CALN1: variants seen among roughly 807,000 people sequenced by gnomAD.
CALN1 encodes calneuron 1.
CALN1 carries 17 observed loss-of-function variants against 30.6 expected under a neutral mutation model. That is an observed-to-expected ratio of 0.56 (90% CI 0.38 to 0.83). The LOEUF is 0.83. Among genes scored for constraint, CALN1 ranks in the 40% least tolerant of loss-of-function variants. The probability of loss-of-function intolerance (pLI) is 0.00; values close to 1 mark genes in which losing one functional copy is unlikely to be tolerated. For missense variants in CALN1, 291 were observed against 354.9 expected (o/e 0.82, Z 1.45); for synonymous variants, 156 against 131.4 (o/e 1.19, Z -1.28).
chr7:72,447,706 C>T (rs1048210786), upstream of CALN1, among the ~76,000 whole-genome samples: 20 of 151,802 alleles, frequency 1.3e-4, no homozygotes, highest in Admixed American at 9.8e-4. Context: ...TACGTGCCTG[C>T]CCATGCACGC....
intron 3 of CALN1, among the ~76,000 whole-genome samples, chr7:72,228,975 A>T (rs1044089007): frequency 1.1e-4 from 17 of 148,432 alleles, no homozygotes; most frequent in African/African-American, 4.2e-4. Flanking sequence ...CGGGGATCTC[A>T]CTATGTTGTC....
chr7:71,912,720 ACT>A (rs1385634301), intron 5 of CALN1, among the ~76,000 whole-genome samples: 1 of 152,094 alleles, frequency 6.6e-6, no homozygotes, highest in Non-Finnish European at 1.5e-5. Flanking sequence ...TACACGTCTG[ACT>A]CAGGATGCCA....
intron 5 of CALN1, among the ~76,000 whole-genome samples, chr7:71,979,279 C>T (rs1798264399): frequency 6.6e-6 from 1 of 152,284 alleles, no homozygotes; most frequent in South Asian, 2.1e-4. Context: ...GTGCACTTTA[C>T]TTCTATTATT....
chr7:71,857,296 A>G (rs1176127872), intron 5 of CALN1, among the ~76,000 whole-genome samples: 1 of 152,178 alleles, frequency 6.6e-6, no homozygotes, highest in Non-Finnish European at 1.5e-5. Context: ...AGATTTTTGA[A>G]GAAAGCTTCA....
At chr7:72,302,732 A>G (rs1585415709) in intron 2 of CALN1, among the ~76,000 whole-genome samples, 1 of 151,882 alleles carries the variant, frequency 6.6e-6, no homozygotes, top group Non-Finnish European at 1.5e-5. Flanking sequence ...CGTCTCTACT[A>G]AAAATACAAA....
At chr7:72,094,580 T>C (rs376069913) in intron 4 of CALN1, among the ~76,000 whole-genome samples, 144 of 152,172 alleles carry the variant, frequency 9.5e-4, no homozygotes, top group African/African-American at 3.4e-3. Context: ...TATATTGGCT[T>C]GAATAGCTAG....
chr7:72,298,830 T>C (rs930116388), intron 2 of CALN1, among the ~76,000 whole-genome samples: 6 of 147,690 alleles, frequency 4.1e-5, no homozygotes, highest in African/African-American at 1.5e-4. Flanking sequence ...AGGGGAGGGG[T>C]GCGGAGTTTC....
rs116517651 is a variant in CALN1, at chr7:72,139,821, T to C, written c.245-33527A>G. ...GCAGGCCTTCACTTTCAGGACTATA[T>C]ACTATGTTGCTACTTCCCTTATCTC... On this transcript the variant is annotated intron_variant, in intron 3 of 6. Transcript: ENST00000395275. Among the ~76,000 whole-genome samples, 767 of 152,330 alleles carry C rather than the reference T, an allele frequency of 5.0e-3. 5 individuals are homozygous for C. The highest frequency in any genetic ancestry group is 0.016 in the African/African-American group (680 of 41,574).
At chr7:71,908,380 G>A (rs1433290916) in intron 5 of CALN1, among the ~76,000 whole-genome samples, 1 of 152,154 alleles carries the variant, frequency 6.6e-6, no homozygotes, top group Non-Finnish European at 1.5e-5. Context: ...AAAACCTGGA[G>A]TTTGGTCAAG....
At chr7:72,500,269 C>CTT in the CALN1 span, among the ~76,000 whole-genome samples, 213 of 51,384 alleles carry the variant, frequency 4.1e-3, 28 homozygotes, top group Non-Finnish European at 4.9e-3. Flanking sequence ...TTCGTTCCTT[C>CTT]TTTTTTTTTT....
intron 5 of CALN1, among the ~76,000 whole-genome samples, chr7:71,870,946 G>C (rs535017237): frequency 2.3e-4 from 35 of 152,294 alleles, no homozygotes; most frequent in African/African-American, 8.2e-4. Context: ...CTATAGGCAA[G>C]GGACGTGTTT....
chr7:72,138,165 A>C (rs982038957), intron 3 of CALN1, among the ~76,000 whole-genome samples: 2 of 152,246 alleles, frequency 1.3e-5, no homozygotes, highest in Non-Finnish European at 2.9e-5. Flanking sequence ...TATGTGTAAT[A>C]TGGCTTAACC....
chr7:72,203,437 T>G (rs1319212839), intron 3 of CALN1, among the ~76,000 whole-genome samples: 1 of 152,082 alleles, frequency 6.6e-6, no homozygotes, highest in Non-Finnish European at 1.5e-5. Flanking sequence ...CTTGAAAAAT[T>G]TAGTTCCCAA....
At chr7:72,275,583 G>A (rs1031609840) in intron 3 of CALN1, among the ~76,000 whole-genome samples, 1 of 152,118 alleles carries the variant, frequency 6.6e-6, no homozygotes, top group African/African-American at 2.4e-5. Context: ...CCCTTCCCCA[G>A]GCTGAGAGCC....
At chr7:71,851,122 G>T (rs1307539268) in intron 5 of CALN1, among the ~76,000 whole-genome samples, 1 of 151,968 alleles carries the variant, frequency 6.6e-6, no homozygotes, top group African/African-American at 2.4e-5. Flanking sequence ...AGGCTAAGGT[G>T]TGAGGGTTGC....
intron 3 of CALN1, among the ~76,000 whole-genome samples, chr7:72,172,009 C>T (rs1226017356): frequency 6.6e-6 from 1 of 152,104 alleles, no homozygotes; most frequent in African/African-American, 2.4e-5. Context: ...AAGCAGGAAA[C>T]CTCCCAGCAG....
At chr7:72,042,139 G>C (rs1802169555) in intron 4 of CALN1, among the ~76,000 whole-genome samples, 1 of 152,152 alleles carries the variant, frequency 6.6e-6, no homozygotes, top group Non-Finnish European at 1.5e-5. Flanking sequence ...AAGGCTTTCA[G>C]ATGGGTTATG....
At chr7:72,445,098 AC>A (rs1432770420) in intron 1 of CALN1, among the ~76,000 whole-genome samples, 15 of 149,038 alleles carry the variant, frequency 1.0e-4, no homozygotes, top group African/African-American at 3.5e-4. Context: ...ACACACACAC[AC>A]ACACACAACA....
At chr7:72,344,404 G>C (rs1279534382) in intron 2 of CALN1, among the ~76,000 whole-genome samples, 1 of 151,916 alleles carries the variant, frequency 6.6e-6, no homozygotes, top group Non-Finnish European at 1.5e-5. Context: ...ATGTTGTAAA[G>C]TGAAAAAAGT....
Sources: allele counts gnomAD v4.1 joint callset (sites outside exome capture counted in the v4.1 genomes callset), GRCh38; gene constraint gnomAD v4.1.1; transcripts MANE v1.5; gene names NCBI Gene and HGNC (gene_info 2026-07-23, HGNC 2026-07-21).